The following COL22A1 variants were observed in gnomAD, a reference collection of about 807,000 sequenced individuals.
COL22A1 encodes the protein collagen alpha-1(XXII) chain.
Under a neutral mutation model 248.9 loss-of-function variants are expected in COL22A1, and 221 were observed. The observed-to-expected ratio is 0.89, with a 90% CI of 0.80 to 0.99. The LOEUF is 0.99. Ranked by LOEUF, COL22A1 falls within the 50% of genes least tolerant of loss-of-function variation. The pLI is 0.00. For missense variants in COL22A1, 2,240 were observed against 2,179.0 expected, an observed-to-expected ratio of 1.03 and a Z score of -0.56; for synonymous variants, 891 against 793.4, an observed-to-expected ratio of 1.12 and a Z score of -2.07.
At chr8:138,680,942 A>G (rs577189106) in intron 39 of COL22A1, among the ~76,000 whole-genome samples, 5 of 152,190 alleles carry the variant, frequency 3.3e-5, no homozygotes, top group Admixed American at 6.5e-5. Flanking sequence ...CGGAGTTGAA[A>G]CTGATTGGTC....
chr8:138,834,829 T>C (rs560907600), intron 4 of COL22A1, among the ~76,000 whole-genome samples: 1 of 152,176 alleles, frequency 6.6e-6, no homozygotes, highest in Non-Finnish European at 1.5e-5. Context: ...ATTTATTCAG[T>C]AGATGTTTTT....
At chr8:138,602,366 C>A (rs889211786) in intron 59 of COL22A1, among the ~76,000 whole-genome samples, 3 of 152,162 alleles carry the variant, frequency 2.0e-5, no homozygotes, top group African/African-American at 7.2e-5. Flanking sequence ...CTGGCACTGT[C>A]CACCTTTGAC....
intron 1 of COL22A1, among the ~76,000 whole-genome samples, chr8:138,897,718 T>C (rs1299865903): frequency 1.3e-5 from 2 of 152,084 alleles, no homozygotes; most frequent in Non-Finnish European, 2.9e-5. Context: ...TGATTTCCCT[T>C]TCACACAAAT....
intron 37 of COL22A1, among the ~76,000 whole-genome samples, chr8:138,686,051 T>C (rs1018969441): frequency 1.4e-4 from 21 of 152,164 alleles, no homozygotes; most frequent in African/African-American, 5.1e-4. Flanking sequence ...AGCTCTGTTA[T>C]GCAACATTTC....
rs73720643 is a variant in COL22A1, at chr8:138,880,954, G to A, written c.91+2128C>T. Among the ~76,000 whole-genome samples the A allele has an allele frequency of 4.9e-3, 748 of 152,346 alleles. 4 individuals carry two copies. Among genetic ancestry groups the A allele is most frequent in the African/African-American group, 0.017 (712 of 41,576 alleles). On this transcript the variant is annotated intron_variant, in intron 2 of 64. Coordinates refer to ENST00000303045, the MANE Select transcript of COL22A1 (RefSeq NM_152888.3). Reference sequence around the variant, plus strand: ...GGGCACATTTTCTCCCAGAGGCCAGGGAACAGGCGGGATTGTGTGCCCGTG... The same window carrying A: ...GGGCACATTTTCTCCCAGAGGCCAGAGAACAGGCGGGATTGTGTGCCCGTG...
chr8:138,910,451 C>A (rs1351921616), intron 1 of COL22A1, among the ~76,000 whole-genome samples: 1 of 152,174 alleles, frequency 6.6e-6, no homozygotes, highest in Non-Finnish European at 1.5e-5. Context: ...GTTTGAGACT[C>A]AGTTCTGTCT....
rs763707480 is a variant in COL22A1, at chr8:138,755,157, C to T, written c.2031G>A (p.Arg677=). ...HQGAPGPPGA[R]GPIGPEGRDG... is the part of the protein sequence containing the mutation. ...CCTGCGCAGGAGAGGGACAACTTACCCGAGCTCCTGGAGGACCGGGGGCGC... is the reference window on the plus strand; with the variant it reads ...CCTGCGCAGGAGAGGGACAACTTACTCGAGCTCCTGGAGGACCGGGGGCGC... Residue 677 remains arginine, a splice_region_variant and synonymous_variant, in exon 21 of 65, where the codon CGG becomes CGA. Transcript: ENST00000303045. 2 of 1,614,092 alleles carry T rather than the reference C, an allele frequency of 1.2e-6. No individual in the cohort carries two copies. The highest frequency in any genetic ancestry group is 1.1e-5 in the South Asian group (1 of 91,074).
chr8:138,603,793 C>A (rs1402071093), intron 59 of COL22A1, among the ~76,000 whole-genome samples: 1 of 152,142 alleles, frequency 6.6e-6, no homozygotes, highest in Non-Finnish European at 1.5e-5. Context: ...AAGGAAGTGA[C>A]CACCTCCCTG....
At chr8:138,603,678 A>T (rs117776888) in intron 59 of COL22A1, among the ~76,000 whole-genome samples, 226 of 152,296 alleles carry the variant, frequency 1.5e-3, no homozygotes, top group South Asian at 4.2e-3. Context: ...AAGCAGAGTA[A>T]ACAATGATTG....
chr8:138,779,400 G>A (rs1814751486), intron 14 of COL22A1, 109 bp downstream of exon 14: 1 of 699,766 alleles, frequency 1.4e-6, no homozygotes, highest in Non-Finnish European at 2.6e-6. Context: ...TATGAGAAGA[G>A]GGGCAGGGAA....
chr8:138,609,427 T>C (rs1475898275), intron 56 of COL22A1, among the ~76,000 whole-genome samples: 1 of 152,166 alleles, frequency 6.6e-6, no homozygotes, highest in Non-Finnish European at 1.5e-5. Context: ...CACTGGATCC[T>C]GCTGGGAATC....
intron 11 of COL22A1, among the ~76,000 whole-genome samples, chr8:138,802,225 C>A (rs1817055803): frequency 6.6e-6 from 1 of 152,120 alleles, no homozygotes; most frequent in South Asian, 2.1e-4. Flanking sequence ...GAGGGCCACC[C>A]TGAACTGTGA....
intron 16 of COL22A1, among the ~76,000 whole-genome samples, chr8:138,765,235 G>T (rs537622253): frequency 1.3e-5 from 2 of 152,286 alleles, no homozygotes; most frequent in East Asian, 3.9e-4. Context: ...TCTTTCTACT[G>T]CCTTGGAGGG....
chr8:138,597,121 A>T, intron 61 of COL22A1, 151 bp from the exon 62 acceptor site: 1 of 630,768 alleles, frequency 1.6e-6, no homozygotes, highest in Non-Finnish European at 2.8e-6. Flanking sequence ...CACATCTCTA[A>T]TCCCTTCCTC....
intron 3 of COL22A1, among the ~76,000 whole-genome samples, chr8:138,868,116 A>G (rs979825938): frequency 6.6e-6 from 1 of 152,180 alleles, no homozygotes; most frequent in East Asian, 1.9e-4. Flanking sequence ...GCTTGTCAAA[A>G]TAAACAAGAA....
chr8:138,677,604 A>C (rs1228780323), intron 40 of COL22A1, among the ~76,000 whole-genome samples: 1 of 152,250 alleles, frequency 6.6e-6, no homozygotes, highest in Admixed American at 6.5e-5. Context: ...TGCTATTTGC[A>C]GTCTTTGGTT....
At chr8:138,685,453 A>G (rs1826275589) in intron 37 of COL22A1, 141 bp from the exon 38 acceptor site, 1 of 714,832 alleles carries the variant, frequency 1.4e-6, no homozygotes, top group Non-Finnish European at 2.4e-6. Context: ...TGGGACACAG[A>G]AAGATGGACT....
chr8:138,654,258 C>T (rs1823012856), intron 45 of COL22A1, among the ~76,000 whole-genome samples: 1 of 152,020 alleles, frequency 6.6e-6, no homozygotes, highest in Admixed American at 6.6e-5. Flanking sequence ...CTAATAAAAG[C>T]CTGTAATAAA....
chr8:138,693,281 T>C (rs1827233219), intron 35 of COL22A1, among the ~76,000 whole-genome samples: 2 of 152,146 alleles, frequency 1.3e-5, no homozygotes. Context: ...TGTGCATGCA[T>C]GTATTATAGG....
Sources: gnomAD v4.1 joint callset for allele counts (sites outside exome capture counted in the v4.1 genomes callset) on GRCh38, gnomAD v4.1.1 for gene constraint, MANE v1.5 for transcripts, NCBI Gene and HGNC (gene_info 2026-07-23, HGNC 2026-07-21) for gene names.